Variants in ADGRL2 observed in about 807,000 individuals in gnomAD.
ADGRL2 encodes the protein adhesion G protein-coupled receptor L2.
A neutral mutation model predicts 157.4 loss-of-function variants in ADGRL2; 44 were observed. That is an observed-to-expected ratio of 0.28 (90% CI 0.22 to 0.36). ADGRL2 has a LOEUF of 0.36. ADGRL2 is among the 10% of genes least tolerant of loss of function. The pLI, the probability that ADGRL2 is intolerant of heterozygous loss-of-function variation, is 1.00. For synonymous variants in ADGRL2, 585 were observed against 624.7 expected, an observed-to-expected ratio of 0.94 and a Z score of 0.95; for missense variants, 1,510 against 1,768.9, an observed-to-expected ratio of 0.85 and a Z score of 2.63.
chr1:81,683,267 C>T (rs971796529), intron 3 of ADGRL2, among the ~76,000 whole-genome samples: 4 of 152,196 alleles, frequency 2.6e-5, no homozygotes, highest in Non-Finnish European at 5.9e-5. Context: ...AAATATTAAG[C>T]ACCATTGCCT....
intron 1 of ADGRL2, among the ~76,000 whole-genome samples, chr1:81,816,451 T>C (rs1312699437): frequency 6.6e-6 from 1 of 151,928 alleles, no homozygotes; most frequent in Non-Finnish European, 1.5e-5. Flanking sequence ...GTTTTAATAG[T>C]TTGATATTAC....
At chr1:81,555,879 A>C (rs1334296167) in intron 2 of ADGRL2, among the ~76,000 whole-genome samples, 1 of 152,192 alleles carries the variant, frequency 6.6e-6, no homozygotes, top group Non-Finnish European at 1.5e-5. Flanking sequence ...AGCCCCTTGT[A>C]GCTCACTTAT....
chr1:81,956,161 CTTT>C, intron 11 of ADGRL2, 101 bp downstream of exon 11: 1 of 826,520 alleles, frequency 1.2e-6, no homozygotes, highest in Non-Finnish European at 1.7e-6. Context: ...TGCTGTACTT[CTTT>C]TTTTGTCAAA....
rs34963278 is a variant in ADGRL2 at position 81,328,963 on chromosome 1, C to CAA, written c.-302+22466_-302+22467dup. Among the ~76,000 whole-genome samples the CAA allele has an allele frequency of 4.9e-3, 700 of 142,072 alleles. 3 individuals carry two copies. The highest frequency in any genetic ancestry group is 0.011 in the African/African-American group (428 of 38,320). The allele number at this position is 142,072 out of a possible 152,430, so 93.2% of individuals were successfully genotyped here. A position where few individuals can be genotyped will look rare whatever the true frequency, so the allele number is the denominator to read the frequency against. ...AGTAAAGGATATTTTACATGATCTA[C>CAA]AAAAAAAAAAAAATCTATCAACTTA... is the stretch of plus-strand genomic sequence containing the variant. On this transcript the variant is annotated intron_variant, in intron 1 of 24. Transcript: ENST00000370721.
At chr1:81,498,886 G>C (rs1026933376) in intron 2 of ADGRL2, among the ~76,000 whole-genome samples, 1 of 152,116 alleles carries the variant, frequency 6.6e-6, no homozygotes, top group Admixed American at 6.5e-5. Context: ...AAATGGTTAG[G>C]AACATACAAT....
chr1:81,609,924 A>G (rs1425457826), intron 3 of ADGRL2, among the ~76,000 whole-genome samples: 4 of 152,220 alleles, frequency 2.6e-5, no homozygotes, highest in Admixed American at 2.0e-4. Flanking sequence ...TGCTAATTTC[A>G]CCAATAAAAA....
chr1:81,904,361 G>T (rs1305312699), intron 2 of ADGRL2, among the ~76,000 whole-genome samples: 1 of 152,174 alleles, frequency 6.6e-6, no homozygotes, highest in African/African-American at 2.4e-5. Flanking sequence ...AAAATACATT[G>T]TAGGATTAAA....
At chr1:81,617,481 C>T (rs1467582826) in intron 3 of ADGRL2, among the ~76,000 whole-genome samples, 1 of 152,222 alleles carries the variant, frequency 6.6e-6, no homozygotes, top group African/African-American at 2.4e-5. Context: ...CTTAGGTTAT[C>T]TGTTGCAATC....
intron 1 of ADGRL2, among the ~76,000 whole-genome samples, chr1:81,747,121 G>T (rs933545087): frequency 1.6e-5 from 2 of 125,510 alleles, no homozygotes; most frequent in African/African-American, 5.9e-5. Flanking sequence ...GTATATATGT[G>T]TATATATGTA....
chr1:81,482,115 T>A (rs993148161), intron 2 of ADGRL2, among the ~76,000 whole-genome samples: 2 of 152,210 alleles, frequency 1.3e-5, no homozygotes, highest in Non-Finnish European at 1.5e-5. Context: ...ACCAACTGCT[T>A]AGACTCTTTT....
Position 81,478,269 on chromosome 1 carries a change from G to T in ADGRL2, c.-248+33180G>T, listed in dbSNP as rs547457882. The stretch of plus-strand genomic sequence containing the variant: ...ATAAGAGATGCAGGAATCCATGCTC[G>T]GTTCCTGTGGCCGTACAGGCTGGGC... On this transcript the variant is annotated intron_variant, in intron 2 of 24. Transcript: ENST00000370721. Among the ~76,000 whole-genome samples, 67 of 152,262 alleles carry T rather than the reference G, an allele frequency of 4.4e-4. 1 individual carries two copies. The highest frequency in any genetic ancestry group is 4.2e-3 in the Admixed American group (65 of 15,296).
intron 1 of ADGRL2, among the ~76,000 whole-genome samples, chr1:81,832,740 A>C (rs1438835377): frequency 2.6e-5 from 4 of 152,192 alleles, no homozygotes; most frequent in Non-Finnish European, 5.9e-5. Flanking sequence ...ATCCATGTGA[A>C]GAAAAGAAAA....
rs1447566637 is a variant in ADGRL2 at position 81,926,378 on chromosome 1, A to T, written c.288-10350A>T. Among the ~76,000 whole-genome samples, 3 of 151,988 alleles carry T rather than the reference A, an allele frequency of 2.0e-5. No homozygotes were observed. The East Asian group carries it at 5.8e-4, about 29-fold the overall frequency. On this transcript the variant is annotated intron_variant, in intron 3 of 23. Coordinates refer to ENST00000686636, the MANE Select transcript of ADGRL2 (RefSeq NM_001366006.2). ...ATTGGCAAGGGTTATAGGAAGGAAAAACATCACAGATTGGCTCCAAGGCTC... is the reference window on the plus strand; with the variant it reads ...ATTGGCAAGGGTTATAGGAAGGAAATACATCACAGATTGGCTCCAAGGCTC...
chr1:81,834,122 A>G (rs1234318509), intron 1 of ADGRL2, among the ~76,000 whole-genome samples: 1 of 152,180 alleles, frequency 6.6e-6, no homozygotes. Flanking sequence ...GAAATGAACT[A>G]TTACGTAGCA....
chr1:81,509,667 G>T (rs1329678440), intron 2 of ADGRL2, among the ~76,000 whole-genome samples: 1 of 152,192 alleles, frequency 6.6e-6, no homozygotes, highest in Non-Finnish European at 1.5e-5. Flanking sequence ...TGAGGAGCTA[G>T]CTCAAGTAAC....
intron 1 of ADGRL2, among the ~76,000 whole-genome samples, chr1:81,411,837 G>A (rs891328322): frequency 2.0e-5 from 3 of 149,162 alleles, no homozygotes; most frequent in Non-Finnish European, 4.4e-5. Context: ...CTGAGATCGC[G>A]CCACTGCACT....
intron 11 of ADGRL2, 147 bp from the exon 12 acceptor site, chr1:81,965,911 T>A: frequency 1.3e-6 from 1 of 797,074 alleles, no homozygotes; most frequent in Non-Finnish European, 2.0e-6. Context: ...TGGTTTTTAG[T>A]CCATGATTTT....
chr1:81,446,464 T>C (rs1392468122), intron 2 of ADGRL2, among the ~76,000 whole-genome samples: 1 of 152,150 alleles, frequency 6.6e-6, no homozygotes, highest in African/African-American at 2.4e-5. Flanking sequence ...CCCAGAAGAT[T>C]TGCCAATAGT....
intron 3 of ADGRL2, among the ~76,000 whole-genome samples, chr1:81,647,234 A>G (rs2082331387): frequency 6.6e-6 from 1 of 152,196 alleles, no homozygotes; most frequent in South Asian, 2.1e-4. Context: ...TGTATCTCAA[A>G]TGAATGCAGA....
Sources: allele counts gnomAD v4.1 joint callset (sites outside exome capture counted in the v4.1 genomes callset), GRCh38; gene constraint gnomAD v4.1.1; transcripts MANE v1.5; gene names NCBI Gene and HGNC (gene_info 2026-07-23, HGNC 2026-07-21).